GRK3: variants seen among roughly 807,000 people sequenced by gnomAD.
GRK3 encodes adrenergic, beta, receptor kinase 2.
In GRK3, 54 loss-of-function variants were observed where a neutral mutation model predicts 95.7. The ratio of observed to expected loss-of-function variants is 0.56; its 90% CI spans 0.45 to 0.71. GRK3 has a LOEUF of 0.71. Among genes scored for constraint, GRK3 ranks in the 30% least tolerant of loss-of-function variants. The probability of loss-of-function intolerance (pLI) is 0.00; values close to 1 mark genes in which losing one functional copy is unlikely to be tolerated. For synonymous variants in GRK3, 281 were observed against 290.8 expected (o/e 0.97, Z 0.34); for missense variants, 649 against 851.2 (o/e 0.76, Z 2.96).
At position 25,722,375 on chromosome 22, in the gene GRK3, C is replaced by T. The variant is rs1391369153; in HGVS notation, c.1992C>T (p.Phe664=). The T allele has an allele frequency of 5.0e-6, 8 of 1,614,050 alleles. No homozygotes were observed. The highest frequency in any genetic ancestry group is 1.6e-4 in the Middle Eastern group (1 of 6,084). Residue 664 remains phenylalanine, a synonymous_variant, in exon 21 of 21, where the codon TTC becomes TTT. Transcript: ENST00000324198. The part of the protein sequence containing the change: ...AQRLLRRAPK[F]LNKPRSGTVE... ...GGCTATTGCGTCGTGCCCCGAAGTT[C>T]CTCAACAAACCTCGGTCAGGTACTG... is the stretch of plus-strand genomic sequence containing the variant.
intron 2 of GRK3, among the ~76,000 whole-genome samples, chr22:25,610,009 G>A (rs149253659): frequency 0.013 from 1,942 of 151,324 alleles, 27 homozygotes; most frequent in Middle Eastern, 0.065. Context: ...CACCATGCCT[G>A]GCTAATTTTT....
At chr22:25,686,374 G>T (rs532207906) in intron 10 of GRK3, among the ~76,000 whole-genome samples, 1 of 152,174 alleles carries the variant, frequency 6.6e-6, no homozygotes, top group Non-Finnish European at 1.5e-5. Flanking sequence ...CTAATGGATG[G>T]GGAGAGAGGC....
chr22:25,635,004 T>C (rs1459524542), intron 2 of GRK3, among the ~76,000 whole-genome samples: 1 of 152,252 alleles, frequency 6.6e-6, no homozygotes, highest in East Asian at 1.9e-4. Flanking sequence ...AGGAATTTTG[T>C]ATACCCTTTA....
At chr22:25,717,874 G>A (rs569472046) in intron 18 of GRK3, among the ~76,000 whole-genome samples, 3 of 152,052 alleles carry the variant, frequency 2.0e-5, no homozygotes, top group Non-Finnish European at 2.9e-5. Context: ...CCAACCCCAC[G>A]TAAAGGCGAA....
chr22:25,709,109 T>C (rs1328052931), intron 15 of GRK3, among the ~76,000 whole-genome samples: 1 of 147,502 alleles, frequency 6.8e-6, no homozygotes, highest in Non-Finnish European at 1.5e-5. Flanking sequence ...GCAATCTCGG[T>C]TCACTGCAAG....
At chr22:25,721,469 A>AAAT in intron 20 of GRK3, 72 bp downstream of exon 20, 1 of 869,630 alleles carries the variant, frequency 1.1e-6, no homozygotes, top group South Asian at 1.5e-5. Context: ...GCCTGTCTAT[A>AAAT]AAACATTTTC....
At chr22:25,599,541 G>A (rs1416072860) in intron 1 of GRK3, among the ~76,000 whole-genome samples, 2 of 148,588 alleles carry the variant, frequency 1.3e-5, no homozygotes, top group African/African-American at 5.0e-5. Flanking sequence ...GCAGTGAGCC[G>A]AGATCATGCC....
intron 13 of GRK3, among the ~76,000 whole-genome samples, chr22:25,697,559 C>T (rs567506699): frequency 1.3e-5 from 2 of 152,256 alleles, no homozygotes; most frequent in South Asian, 4.2e-4. Context: ...AAATGATGGC[C>T]TCCGTGGGAA....
At position 25,564,956 on chromosome 22, in the gene GRK3, T is replaced by TC; in HGVS notation, c.-84dup. The TC allele has an allele frequency of 1.0e-5, 3 of 291,418 alleles. No homozygotes were observed. The highest frequency in any genetic ancestry group is 1.6e-5 in the Non-Finnish European group (3 of 190,290). 18.1% of individuals were successfully genotyped at this position (291,418 alleles called of 1,614,324 possible). A position where few individuals can be genotyped will look rare whatever the true frequency, so the allele number is the denominator to read the frequency against. ...GCTGCCCCGGGGCGGCCCCCCCAGGTCGGGGCGCGGCGGGCGGCGGCGGCG... is the reference window on the plus strand; with the variant it reads ...GCTGCCCCGGGGCGGCCCCCCCAGGTCCGGGGCGCGGCGGGCGGCGGCGGCG... On this transcript the variant is annotated 5_prime_UTR_variant, in exon 1 of 21. Transcript: ENST00000324198.
intron 2 of GRK3, among the ~76,000 whole-genome samples, chr22:25,643,159 CA>C (rs1452633237): frequency 2.0e-5 from 3 of 152,198 alleles, no homozygotes; most frequent in Non-Finnish European, 4.4e-5. Flanking sequence ...AACATACGAA[CA>C]GATAGAGATG....
At chr22:25,646,678 T>A (rs1363600055) in intron 3 of GRK3, among the ~76,000 whole-genome samples, 1 of 152,130 alleles carries the variant, frequency 6.6e-6, no homozygotes, top group South Asian at 2.1e-4. Context: ...ACAATACTTT[T>A]AAAGAGCAGC....
At chr22:25,649,244 G>A (rs2084810461) in intron 3 of GRK3, 2 of 1,202,396 alleles carry the variant, frequency 1.7e-6, no homozygotes, top group East Asian at 2.3e-5. Flanking sequence ...AATTCAAGTA[G>A]CCTATTTTAT....
At chr22:25,619,937 C>G (rs2084568860) in intron 2 of GRK3, among the ~76,000 whole-genome samples, 1 of 151,684 alleles carries the variant, frequency 6.6e-6, no homozygotes, top group Non-Finnish European at 1.5e-5. Context: ...CCCTCTCCCC[C>G]TTCTCTCTTC....
chr22:25,618,235 T>C (rs777736582), intron 2 of GRK3, among the ~76,000 whole-genome samples: 16 of 152,260 alleles, frequency 1.1e-4, no homozygotes, highest in Non-Finnish European at 1.6e-4. Flanking sequence ...CATTTCTCTT[T>C]GGTAAATACC....
chr22:25,725,947 T>TA lies in GRK3; in HGVS notation c.*3497_*3498insA. On this transcript the variant is annotated 3_prime_UTR_variant, in exon 21 of 21. Transcript: ENST00000324198. ...CTGGGCGACAGAGCGAGACTCTGTC[T>TA]CAAAAAAAAAAAGGAGGGGGGCTAA... The TA allele has an allele frequency of 1.5e-5, 3 of 194,262 alleles. No individual in the cohort carries two copies. The highest frequency in any genetic ancestry group is 1.1e-4 in the East Asian group (1 of 9,142). The allele number at this position is 194,262 out of a possible 1,614,324, so 12.0% of individuals were successfully genotyped here.
intron 2 of GRK3, among the ~76,000 whole-genome samples, chr22:25,620,180 C>T (rs926925994): frequency 2.6e-5 from 4 of 152,044 alleles, no homozygotes; most frequent in African/African-American, 4.8e-5. Context: ...GGGGCGGAAA[C>T]CAGCCAGGTG....
Position 25,727,544 on chromosome 22 carries a change from G to A in GRK3, c.*5094G>A, listed in dbSNP as rs568185904. The A allele has an allele frequency of 6.6e-6, 1 of 152,304 alleles. No individual in the cohort carries two copies. The highest frequency in any genetic ancestry group is 1.9e-4 in the East Asian group (1 of 5,186). The allele number at this position is 152,304 out of a possible 1,614,324, so 9.4% of individuals were successfully genotyped here. Reference sequence around the variant, plus strand: ...AACGCAGGCTCCCAAATTTTAAATTGCCTTTATTAAAAACACAAACTACAG... The same window carrying A: ...AACGCAGGCTCCCAAATTTTAAATTACCTTTATTAAAAACACAAACTACAG... On this transcript the variant is annotated 3_prime_UTR_variant, in exon 21 of 21. Transcript: ENST00000324198.
At chr22:25,606,984 A>C (rs2084454554) in intron 2 of GRK3, among the ~76,000 whole-genome samples, 1 of 152,248 alleles carries the variant, frequency 6.6e-6, no homozygotes, top group Non-Finnish European at 1.5e-5. Context: ...CTCTCAGCAG[A>C]TGCTCAGTGA....
chr22:25,567,487 G>C lies in GRK3; in HGVS notation c.113+2334G>C, dbSNP rs187297515. Among the ~76,000 whole-genome samples, 299 of 152,288 alleles carry C rather than the reference G, an allele frequency of 2.0e-3. 1 individual carries two copies. The highest frequency in any genetic ancestry group is 7.0e-3 in the African/African-American group (292 of 41,550). On this transcript the variant is annotated intron_variant, in intron 1 of 20. Coordinates refer to ENST00000324198, the MANE Select transcript of GRK3 (RefSeq NM_005160.4). ...GGGAATTTCTAGATCCTGTAAAAAAGTTAATTGCATGTTAAAATGCCCCAG... is the reference window on the plus strand; with the variant it reads ...GGGAATTTCTAGATCCTGTAAAAAACTTAATTGCATGTTAAAATGCCCCAG...
Sources: gnomAD v4.1 joint callset for allele counts (sites outside exome capture counted in the v4.1 genomes callset) on GRCh38, gnomAD v4.1.1 for gene constraint, MANE v1.5 for transcripts, NCBI Gene and HGNC (gene_info 2026-07-23, HGNC 2026-07-21) for gene names.